CACNA1E: variants seen among roughly 807,000 people sequenced by gnomAD.
CACNA1E encodes voltage-dependent R-type calcium channel subunit alpha-1E.
In CACNA1E, 40 loss-of-function variants were observed where a neutral mutation model predicts 259.2. The observed-to-expected ratio is 0.15, with a 90% CI of 0.12 to 0.20. The LOEUF (loss-of-function observed/expected upper bound fraction) is 0.20. CACNA1E is among the 10% of genes least tolerant of loss of function. CACNA1E has a pLI of 1.00. For synonymous variants in CACNA1E, 1,104 were observed against 1,138.5 expected (o/e 0.97, Z 0.61); for missense variants, 1,874 against 3,040.1 (o/e 0.62, Z 9.02).
intron 1 of CACNA1E, among the ~76,000 whole-genome samples, chr1:181,354,233 C>T (rs2101895929): frequency 6.6e-6 from 1 of 151,348 alleles, no homozygotes; most frequent in South Asian, 2.1e-4. Context: ...TGAATGAAAC[C>T]AATATGTATC....
intron 3 of CACNA1E, among the ~76,000 whole-genome samples, chr1:181,549,468 C>T (rs1647883983): frequency 1.3e-5 from 2 of 152,212 alleles, no homozygotes. Context: ...AGGCTAAAAT[C>T]ATGCCACAGA....
intron 2 of CACNA1E, among the ~76,000 whole-genome samples, chr1:181,467,402 T>C (rs1350657723): frequency 6.6e-6 from 1 of 152,118 alleles, no homozygotes; most frequent in Non-Finnish European, 1.5e-5. Flanking sequence ...CATAGCTGAT[T>C]TGAGGGGGAA....
At chr1:181,747,450 A>ATTT (rs60393528) in intron 25 of CACNA1E, among the ~76,000 whole-genome samples, 258 of 122,888 alleles carry the variant, frequency 2.1e-3, no homozygotes, top group African/African-American at 7.9e-3. Context: ...AAAATCTGTC[A>ATTT]TTTTTTTTTT....
chr1:181,373,448 G>GT (rs934142811), intron 1 of CACNA1E, among the ~76,000 whole-genome samples: 3 of 151,440 alleles, frequency 2.0e-5, no homozygotes, highest in Admixed American at 6.6e-5. Flanking sequence ...TCTCTGATGG[G>GT]TTTTTTGTAT....
intron 3 of CACNA1E, among the ~76,000 whole-genome samples, chr1:181,531,936 A>G (rs990175696): frequency 6.6e-6 from 1 of 152,312 alleles, no homozygotes; most frequent in Admixed American, 6.5e-5. Flanking sequence ...CGTACCTGTA[A>G]TCCCAGCTAC....
At chr1:181,620,396 C>T (rs1441016228) in intron 6 of CACNA1E, among the ~76,000 whole-genome samples, 1 of 152,214 alleles carries the variant, frequency 6.6e-6, no homozygotes, top group East Asian at 1.9e-4. Context: ...AGGCACTCCT[C>T]ATCCACATGT....
chr1:181,442,033 A>G (rs1405514230), intron 2 of CACNA1E, among the ~76,000 whole-genome samples: 1 of 152,170 alleles, frequency 6.6e-6, no homozygotes, highest in East Asian at 1.9e-4. Context: ...ACAGTATTTT[A>G]TAGCCCACAC....
intron 14 of CACNA1E, 37 bp downstream of exon 14, chr1:181,720,374 A>C: frequency 6.2e-7 from 1 of 1,600,160 alleles, no homozygotes; most frequent in Non-Finnish European, 8.5e-7. Flanking sequence ...AAGGAGGCTC[A>C]AAACCCAGTC....
intron 18 of CACNA1E, among the ~76,000 whole-genome samples, chr1:181,728,687 T>C (rs768482484): frequency 2.8e-4 from 42 of 152,222 alleles, no homozygotes; most frequent in Non-Finnish European, 4.1e-4. Flanking sequence ...TGCCCAGGTG[T>C]GTGTGCCCTA....
chr1:181,347,584 C>T (rs1652696561), intron 1 of CACNA1E, among the ~76,000 whole-genome samples: 1 of 152,240 alleles, frequency 6.6e-6, no homozygotes, highest in Non-Finnish European at 1.5e-5. Context: ...ATTCGAAAGG[C>T]CCATGCCTGC....
At chr1:181,783,632 AAT>A in intron 39 of CACNA1E, 45 bp from the exon 40 acceptor site, 5 of 1,009,526 alleles carry the variant, frequency 5.0e-6, no homozygotes, top group South Asian at 1.4e-5. Flanking sequence ...GATGTCTTTC[AAT>A]TTTTTTTTTT....
At position 181,532,596 on chromosome 1, in the gene CACNA1E, T is replaced by A. The variant is rs138016977; in HGVS notation, c.512+21086T>A. Among the ~76,000 whole-genome samples the A allele has an allele frequency of 1.8e-3, 268 of 152,318 alleles. 1 individual carries two copies. Among genetic ancestry groups the A allele is most frequent in the African/African-American group, 6.2e-3 (257 of 41,584 alleles). ...CCAGAAAAGCAAGGTTCTCTATGGG[T>A]GTATGACTTCCAGACCAGTGATTCT... On this transcript the variant is annotated intron_variant, in intron 3 of 47. Coordinates refer to ENST00000367573, the MANE Select transcript of CACNA1E (RefSeq NM_001205293.3).
At chr1:181,697,150 A>G (rs917432326) in intron 7 of CACNA1E, among the ~76,000 whole-genome samples, 7 of 152,232 alleles carry the variant, frequency 4.6e-5, no homozygotes, top group African/African-American at 1.7e-4. Context: ...AGGATGAAAA[A>G]GAATAACAAA....
intron 17 of CACNA1E, among the ~76,000 whole-genome samples, chr1:181,725,078 T>C (rs1368446131): frequency 6.6e-6 from 1 of 152,162 alleles, no homozygotes; most frequent in Non-Finnish European, 1.5e-5. Context: ...ATTTCCCCAG[T>C]GTGGGGAGGT....
intron 1 of CACNA1E, among the ~76,000 whole-genome samples, chr1:181,355,853 A>G (rs1319232411): frequency 6.6e-6 from 1 of 152,208 alleles, no homozygotes; most frequent in Non-Finnish European, 1.5e-5. Context: ...TTAGACAGGA[A>G]AGTGAAGCAT....
chr1:181,685,909 T>G (rs1650485583), intron 7 of CACNA1E, among the ~76,000 whole-genome samples: 1 of 152,200 alleles, frequency 6.6e-6, no homozygotes, highest in South Asian at 2.1e-4. Flanking sequence ...TAAGTTTTAC[T>G]TCCTGAAAGC....
chr1:181,417,575 C>T (rs749274620), intron 2 of CACNA1E, among the ~76,000 whole-genome samples: 6 of 152,166 alleles, frequency 3.9e-5, no homozygotes, highest in Non-Finnish European at 8.8e-5. Context: ...GTCACAACCA[C>T]GCCGATTGAC....
At chr1:181,777,424 T>G (rs1660058611) in intron 38 of CACNA1E, among the ~76,000 whole-genome samples, 1 of 152,184 alleles carries the variant, frequency 6.6e-6, no homozygotes, top group Non-Finnish European at 1.5e-5. Flanking sequence ...GGGTCACTGT[T>G]TTACAGACTA....
intron 1 of CACNA1E, among the ~76,000 whole-genome samples, chr1:181,499,786 C>A (rs1479265153): frequency 2.0e-5 from 3 of 152,176 alleles, no homozygotes; most frequent in Non-Finnish European, 4.4e-5. Context: ...CCAGGTGATT[C>A]TATGGTCCAG....
Sources: gnomAD v4.1 joint callset for allele counts (sites outside exome capture counted in the v4.1 genomes callset) on GRCh38, gnomAD v4.1.1 for gene constraint, MANE v1.5 for transcripts, NCBI Gene and HGNC (gene_info 2026-07-23, HGNC 2026-07-21) for gene names.